CIMAP2: variants seen among roughly 807,000 people sequenced by gnomAD.
CIMAP2 encodes the protein ciliary microtubule associated protein 2.
At chr1:54,813,451 A>C in the CIMAP2 span, among the ~76,000 whole-genome samples, 1 of 152,230 alleles carries the variant, frequency 6.6e-6, no homozygotes, top group Non-Finnish European at 1.5e-5. Context: ...GTGCTCCTCC[A>C]GTCACTCTGG....
the CIMAP2 span, among the ~76,000 whole-genome samples, chr1:54,823,037 G>A: frequency 2.0e-5 from 3 of 152,182 alleles, no homozygotes; most frequent in African/African-American, 7.2e-5. Flanking sequence ...TGAGAAGAAT[G>A]TGTATTCTGT....
At chr1:54,832,275 G>C in the CIMAP2 span, among the ~76,000 whole-genome samples, 1 of 152,180 alleles carries the variant, frequency 6.6e-6, no homozygotes, top group Non-Finnish European at 1.5e-5. Flanking sequence ...GATTTGAATA[G>C]ATATATTTTA....
At chr1:54,833,551 C>T in the CIMAP2 span, among the ~76,000 whole-genome samples, 1 of 152,196 alleles carries the variant, frequency 6.6e-6, no homozygotes, top group African/African-American at 2.4e-5. Context: ...TCTGGGCTTC[C>T]AGCCTGGAAG....
the CIMAP2 span, among the ~76,000 whole-genome samples, chr1:54,818,325 A>G: frequency 2.0e-5 from 3 of 150,574 alleles, no homozygotes; most frequent in Admixed American, 1.3e-4. Flanking sequence ...TGCCTTTCAG[A>G]TATCTCTTTT....
At chr1:54,831,151 T>C in the CIMAP2 span, among the ~76,000 whole-genome samples, 12 of 152,294 alleles carry the variant, frequency 7.9e-5, no homozygotes, top group Non-Finnish European at 1.6e-4. Context: ...TTCTGAAACA[T>C]AAATGATAGA....
chr1:54,819,244 G>A, the CIMAP2 span, among the ~76,000 whole-genome samples: 17 of 152,296 alleles, frequency 1.1e-4, no homozygotes, highest in African/African-American at 3.1e-4. Flanking sequence ...CGTATGGACT[G>A]CCTCCTACCC....
At chr1:54,816,883 A>G in the CIMAP2 span, 922,866 of 1,417,278 alleles carry the variant, frequency 0.65, 303,562 homozygotes, top group South Asian at 0.74. Context: ...ACACAATTCA[A>G]CTCATAACAG....
At chr1:54,828,172 T>C in the CIMAP2 span, among the ~76,000 whole-genome samples, 1 of 152,212 alleles carries the variant, frequency 6.6e-6, no homozygotes, top group Non-Finnish European at 1.5e-5. Flanking sequence ...TTGATAATGA[T>C]ATGTGTGTTT....
At chr1:54,827,981 A>G in the CIMAP2 span, among the ~76,000 whole-genome samples, 2 of 152,308 alleles carry the variant, frequency 1.3e-5, no homozygotes, top group South Asian at 4.1e-4. Context: ...GAGGGCTTTG[A>G]AAGAGAAGGC....
chr1:54,839,119 T>A, the CIMAP2 span, among the ~76,000 whole-genome samples: 1 of 80,236 alleles, frequency 1.2e-5, no homozygotes, highest in Non-Finnish European at 3.2e-5. Flanking sequence ...GTTTTCTTCT[T>A]CCAGGGAGGA....
At chr1:54,817,266 G>T in the CIMAP2 span, 1 of 1,161,212 alleles carries the variant, frequency 8.6e-7, no homozygotes, top group Non-Finnish European at 1.2e-6. Flanking sequence ...GGCAGTGGAG[G>T]GACGTTCACG....
the CIMAP2 span, chr1:54,841,910 G>A: frequency 6.5e-7 from 1 of 1,538,944 alleles, no homozygotes. Context: ...TGACCAGAGA[G>A]CCCAAAGGCC....
chr1:54,807,437 C>A, the CIMAP2 span: 1 of 1,402,616 alleles, frequency 7.1e-7, no homozygotes, highest in Non-Finnish European at 9.4e-7. Flanking sequence ...TCCCTTCCTC[C>A]GGGTCAGGGT....
the CIMAP2 span, among the ~76,000 whole-genome samples, chr1:54,817,619 G>A: frequency 3.3e-5 from 5 of 152,160 alleles, no homozygotes; most frequent in African/African-American, 1.2e-4. Flanking sequence ...GCTTGTAAAT[G>A]TTAGCTGCTG....
At chr1:54,816,100 T>G in the CIMAP2 span, among the ~76,000 whole-genome samples, 1 of 152,218 alleles carries the variant, frequency 6.6e-6, no homozygotes, top group Admixed American at 6.5e-5. Flanking sequence ...ATGACCCTAC[T>G]GCTACCACAG....
At chr1:54,806,195 G>A in the CIMAP2 span, 2 of 1,546,474 alleles carry the variant, frequency 1.3e-6, no homozygotes, top group African/African-American at 1.4e-5. Context: ...GTTCACCGGG[G>A]CGCCCTTCGG....
chr1:54,815,371 G>C, the CIMAP2 span, among the ~76,000 whole-genome samples: 1 of 152,154 alleles, frequency 6.6e-6, no homozygotes, highest in African/African-American at 2.4e-5. Flanking sequence ...GCTATTCCAG[G>C]GACCACACTT....
chr1:54,827,063 A>G, the CIMAP2 span, among the ~76,000 whole-genome samples: 1 of 152,264 alleles, frequency 6.6e-6, no homozygotes, highest in African/African-American at 2.4e-5. Flanking sequence ...GAAATGAAAC[A>G]CTTTTTGGGT....
At chr1:54,818,768 T>A in the CIMAP2 span, among the ~76,000 whole-genome samples, 10 of 151,936 alleles carry the variant, frequency 6.6e-5, no homozygotes, top group Non-Finnish European at 1.3e-4. Context: ...ATTTTTGTTA[T>A]TTTTTGTAGA....
Sources: allele counts gnomAD v4.1 joint callset (sites outside exome capture counted in the v4.1 genomes callset), GRCh38; gene constraint gnomAD v4.1.1; transcripts MANE v1.5; gene names NCBI Gene and HGNC (gene_info 2026-07-23, HGNC 2026-07-21).